The following RIT2 variants were observed in gnomAD, a reference collection of about 807,000 sequenced individuals.
The protein encoded by RIT2 is GTP-binding protein Rit2.
RIT2 carries 24 observed loss-of-function variants against 23.7 expected under a neutral mutation model. The observed-to-expected ratio is 1.01, with a 90% CI of 0.73 to 1.43. The LOEUF is 1.43. RIT2 is among the 40% of genes most tolerant of loss of function. The probability of loss-of-function intolerance (pLI) is 0.00; values close to 1 mark genes in which losing one functional copy is unlikely to be tolerated. For missense variants in RIT2, 236 were observed against 266.9 expected (o/e 0.88, Z 0.81); for synonymous variants, 107 against 91.1 (o/e 1.17, Z -0.99).
chr18:42,941,841 C>G (rs550459472), intron 3 of RIT2, among the ~76,000 whole-genome samples: 1 of 151,874 alleles, frequency 6.6e-6, no homozygotes, highest in Non-Finnish European at 1.5e-5. Context: ...ATGAACAACC[C>G]TATAATGAAG....
chr18:42,885,429 CA>C (rs1231568406), intron 4 of RIT2, among the ~76,000 whole-genome samples: 19 of 151,900 alleles, frequency 1.3e-4, no homozygotes, highest in African/African-American at 4.1e-4. Flanking sequence ...ACTAAAAATA[CA>C]AAAAAATTAG....
intron 1 of RIT2, among the ~76,000 whole-genome samples, chr18:43,035,757 C>T (rs1277439610): frequency 2.0e-5 from 3 of 152,122 alleles, no homozygotes; most frequent in African/African-American, 4.8e-5. Context: ...AGTAATTTTT[C>T]CATCCACTGA....
intron 4 of RIT2, among the ~76,000 whole-genome samples, chr18:42,840,399 A>G (rs1217290779): frequency 6.6e-6 from 1 of 152,236 alleles, no homozygotes; most frequent in African/African-American, 2.4e-5. Flanking sequence ...ATATGCCAAG[A>G]ACTTACTATA....
intron 4 of RIT2, among the ~76,000 whole-genome samples, chr18:42,792,588 A>G (rs1442362298): frequency 6.6e-6 from 1 of 152,184 alleles, no homozygotes; most frequent in East Asian, 1.9e-4. Flanking sequence ...TAATCCACAG[A>G]CAATTCAATG....
chr18:43,035,772 A>G (rs1054450956), intron 1 of RIT2, among the ~76,000 whole-genome samples: 2 of 152,146 alleles, frequency 1.3e-5, no homozygotes, highest in African/African-American at 4.8e-5. Context: ...CACTGACCCC[A>G]ATCCTGCTTC....
intron 2 of RIT2, among the ~76,000 whole-genome samples, chr18:43,007,093 T>A (rs1911245907): frequency 6.6e-6 from 1 of 151,688 alleles, no homozygotes; most frequent in African/African-American, 2.4e-5. Flanking sequence ...AGTATAAAGA[T>A]AATAAACAAT....
intron 4 of RIT2, among the ~76,000 whole-genome samples, chr18:42,816,277 T>A (rs955399112): frequency 1.3e-5 from 2 of 152,172 alleles, no homozygotes; most frequent in African/African-American, 4.8e-5. Flanking sequence ...CAATTGGCTC[T>A]TGAGAGTTAG....
At chr18:42,987,655 G>A (rs958825704) in intron 2 of RIT2, among the ~76,000 whole-genome samples, 3 of 152,152 alleles carry the variant, frequency 2.0e-5, no homozygotes, top group Non-Finnish European at 2.9e-5. Flanking sequence ...AAACAACGCC[G>A]ATGTCTTAGT....
At chr18:42,915,074 A>G (rs1449444983) in intron 4 of RIT2, among the ~76,000 whole-genome samples, 1 of 151,838 alleles carries the variant, frequency 6.6e-6, no homozygotes, top group Non-Finnish European at 1.5e-5. Context: ...TTGTAGTTCA[A>G]TCTATGGATA....
At chr18:42,853,018 G>C (rs1429573979) in intron 4 of RIT2, among the ~76,000 whole-genome samples, 1 of 151,942 alleles carries the variant, frequency 6.6e-6, no homozygotes, top group African/African-American at 2.4e-5. Context: ...GTTTTTAGTA[G>C]AGACGGGGTT....
chr18:43,006,492 A>G (rs1374896636), intron 2 of RIT2, among the ~76,000 whole-genome samples: 9 of 151,640 alleles, frequency 5.9e-5, no homozygotes. Context: ...ATTAAATAAC[A>G]TAAATCAGAA....
At chr18:42,801,402 T>C (rs1047271711) in intron 4 of RIT2, among the ~76,000 whole-genome samples, 1 of 152,222 alleles carries the variant, frequency 6.6e-6, no homozygotes, top group African/African-American at 2.4e-5. Context: ...TTGAAATTTA[T>C]TGGAAGGCAG....
chr18:43,092,698 C>T (rs191291184), intron 1 of RIT2, among the ~76,000 whole-genome samples: 17 of 152,114 alleles, frequency 1.1e-4, no homozygotes, highest in Non-Finnish European at 2.2e-4. Flanking sequence ...AGCTTGAAGG[C>T]AGCATTTTAC....
chr18:42,993,038 C>T (rs189392200), intron 2 of RIT2, among the ~76,000 whole-genome samples: 87 of 152,286 alleles, frequency 5.7e-4, no homozygotes, highest in African/African-American at 2.0e-3. Flanking sequence ...AATTCCTTGC[C>T]TCCACTGTGA....
intron 4 of RIT2, among the ~76,000 whole-genome samples, chr18:42,801,016 T>C (rs887579903): frequency 2.0e-5 from 3 of 152,214 alleles, no homozygotes; most frequent in African/African-American, 7.2e-5. Flanking sequence ...AAAAATTTAC[T>C]ATTAATCTTT....
intron 4 of RIT2, among the ~76,000 whole-genome samples, chr18:42,817,858 G>T (rs182817690): frequency 6.6e-6 from 1 of 151,820 alleles, no homozygotes. Flanking sequence ...CTAATATAGC[G>T]CATGCACAAA....
At chr18:42,886,967 G>T (rs1207724314) in intron 4 of RIT2, among the ~76,000 whole-genome samples, 1 of 152,104 alleles carries the variant, frequency 6.6e-6, no homozygotes, top group African/African-American at 2.4e-5. Flanking sequence ...AGGTAAGATT[G>T]TTTCTAGAAG....
intron 4 of RIT2, among the ~76,000 whole-genome samples, chr18:42,808,966 T>C (rs146612871): frequency 6.6e-6 from 1 of 152,202 alleles, no homozygotes; most frequent in African/African-American, 2.4e-5. Flanking sequence ...AACGTTAAAA[T>C]AAAAAGAGAG....
chr18:42,913,989 G>T (rs1908839761), intron 4 of RIT2, among the ~76,000 whole-genome samples: 1 of 151,814 alleles, frequency 6.6e-6, no homozygotes, highest in African/African-American at 2.4e-5. Flanking sequence ...CAATTAAAAA[G>T]GCAAATAAGA....
Sources: allele counts gnomAD v4.1 joint callset (sites outside exome capture counted in the v4.1 genomes callset), GRCh38; gene constraint gnomAD v4.1.1; transcripts MANE v1.5; gene names NCBI Gene and HGNC (gene_info 2026-07-23, HGNC 2026-07-21).